SGCD: variants seen among roughly 807,000 people sequenced by gnomAD.
SGCD encodes the protein sarcoglycan delta.
In SGCD, 18 loss-of-function variants were observed where a neutral mutation model predicts 36.6. The observed-to-expected ratio is 0.49, with a 90% CI of 0.34 to 0.73. SGCD has a LOEUF of 0.73. SGCD is among the 30% of genes least tolerant of loss of function. SGCD has a pLI of 0.01. For synonymous variants in SGCD, 133 were observed against 130.6 expected (o/e 1.02, Z -0.12); for missense variants, 387 against 346.7 (o/e 1.12, Z -0.92).
chr5:156,165,558 A>C (rs976884642), intron 3 of SGCD, among the ~76,000 whole-genome samples: 1 of 152,156 alleles, frequency 6.6e-6, no homozygotes, highest in Non-Finnish European at 1.5e-5. Context: ...TTCAATTTGT[A>C]CTATATACTG....
At chr5:156,644,946 A>C (rs1164656974) in intron 6 of SGCD, among the ~76,000 whole-genome samples, 1 of 149,812 alleles carries the variant, frequency 6.7e-6, no homozygotes, top group African/African-American at 2.5e-5. Flanking sequence ...TTTTTTTACA[A>C]GTTTACTCCC....
At chr5:156,672,717 C>T (rs1009895781) in intron 7 of SGCD, among the ~76,000 whole-genome samples, 3 of 152,116 alleles carry the variant, frequency 2.0e-5, no homozygotes, top group African/African-American at 7.2e-5. Flanking sequence ...CATTTATAGC[C>T]ATTGTATGAG....
intron 1 of SGCD, among the ~76,000 whole-genome samples, chr5:156,037,827 C>T (rs1759536827): frequency 6.6e-6 from 1 of 152,082 alleles, no homozygotes; most frequent in Non-Finnish European, 1.5e-5. Flanking sequence ...CAAAAGTAAT[C>T]ATGCTAAAAA....
At chr5:156,061,114 T>A (rs1760194571) in intron 1 of SGCD, among the ~76,000 whole-genome samples, 1 of 146,014 alleles carries the variant, frequency 6.8e-6, no homozygotes, top group Admixed American at 6.8e-5. Context: ...AAAGCACTAG[T>A]CTCACAGAGA....
At position 156,553,180 on chromosome 5, in the gene SGCD, A is replaced by G. The variant is rs553876669; in HGVS notation, c.295-36051A>G. Among the ~76,000 whole-genome samples the G allele has an allele frequency of 6.6e-5, 10 of 152,288 alleles. 1 individual carries two copies. The highest frequency in any genetic ancestry group is 9.6e-5 in the African/African-American group (4 of 41,564). On this transcript the variant is annotated intron_variant, in intron 4 of 8. Transcript: ENST00000337851. Reference sequence around the variant, plus strand: ...CAGAGTGAGAAGTCACTCACCCCCAATGGAGGGCATTCATCTGTTCATGAG... The same window carrying G: ...CAGAGTGAGAAGTCACTCACCCCCAGTGGAGGGCATTCATCTGTTCATGAG...
chr5:156,408,268 T>C (rs776726115), intron 3 of SGCD, among the ~76,000 whole-genome samples: 1 of 152,096 alleles, frequency 6.6e-6, no homozygotes, highest in South Asian at 2.1e-4. Flanking sequence ...ATTGCACTCC[T>C]TGGACATGTG....
chr5:155,800,725 G>A, the SGCD span, among the ~76,000 whole-genome samples: 1 of 151,872 alleles, frequency 6.6e-6, no homozygotes, highest in East Asian at 1.9e-4. Context: ...GGGAATTTTT[G>A]TTTTTGTTTT....
chr5:156,759,403 A>G lies in SGCD; in HGVS notation c.*13A>G, dbSNP rs1338497474. On this transcript the variant is annotated 3_prime_UTR_variant, in exon 9 of 9. Coordinates refer to ENST00000337851, the MANE Select transcript of SGCD (RefSeq NM_000337.6). The stretch of plus-strand genomic sequence containing the variant: ...TGTCTGCCTCTGAAAGACTATCCAT[A>G]GTGGACATTGTTGGCAGCATAAAGG... The G allele has an allele frequency of 6.3e-7, 1 of 1,581,998 alleles. No homozygotes were observed. Among genetic ancestry groups the G allele is most frequent in the Admixed American group, 1.8e-5 (1 of 57,128 alleles).
chr5:156,560,103 G>A (rs1285163600), intron 4 of SGCD, among the ~76,000 whole-genome samples: 1 of 152,110 alleles, frequency 6.6e-6, no homozygotes, highest in Non-Finnish European at 1.5e-5. Context: ...TTTTATTTAT[G>A]GTTAGCTATT....
intron 3 of SGCD, among the ~76,000 whole-genome samples, chr5:156,149,620 T>C (rs1398706808): frequency 6.6e-6 from 1 of 152,088 alleles, no homozygotes. Context: ...GATCAGTAGA[T>C]GGTTCTCAGC....
At chr5:156,171,045 G>A (rs1265444053) in intron 3 of SGCD, among the ~76,000 whole-genome samples, 2 of 152,032 alleles carry the variant, frequency 1.3e-5, no homozygotes, top group Admixed American at 6.6e-5. Context: ...GATTTCTGTC[G>A]ACATGATTTT....
intron 3 of SGCD, among the ~76,000 whole-genome samples, chr5:156,140,130 G>C (rs999458226): frequency 6.6e-6 from 1 of 152,204 alleles, no homozygotes; most frequent in Non-Finnish European, 1.5e-5. Flanking sequence ...TACCCAGTCT[G>C]TGCTGTTTTG....
chr5:156,490,489 A>C (rs1350584357), intron 3 of SGCD, among the ~76,000 whole-genome samples: 7 of 7,522 alleles, frequency 9.3e-4, no homozygotes, highest in Admixed American at 6.7e-3. Flanking sequence ...TAACATATCA[A>C]AAAAAAAAAA....
At chr5:156,613,576 A>C (rs1292494628) in intron 6 of SGCD, among the ~76,000 whole-genome samples, 1 of 152,164 alleles carries the variant, frequency 6.6e-6, no homozygotes, top group Non-Finnish European at 1.5e-5. Flanking sequence ...AGTGGATCTC[A>C]AAAATATGGT....
chr5:156,527,714 T>C (rs1267737687), intron 4 of SGCD, among the ~76,000 whole-genome samples: 1 of 152,216 alleles, frequency 6.6e-6, no homozygotes, highest in Non-Finnish European at 1.5e-5. Context: ...CTAATTTTAC[T>C]TTGAACCCCC....
chr5:156,750,873 A>G (rs2113142614), intron 7 of SGCD, among the ~76,000 whole-genome samples: 1 of 152,260 alleles, frequency 6.6e-6, no homozygotes, highest in Admixed American at 6.5e-5. Context: ...TTTAAAAAAC[A>G]CCATTTTCAA....
chr5:156,250,414 C>T (rs1054929446), intron 3 of SGCD, among the ~76,000 whole-genome samples: 1 of 152,110 alleles, frequency 6.6e-6, no homozygotes, highest in Non-Finnish European at 1.5e-5. Flanking sequence ...GTGTTTAAAA[C>T]TCCAAATAAT....
chr5:156,564,293 C>CA (rs888105265), intron 4 of SGCD, among the ~76,000 whole-genome samples: 4 of 151,822 alleles, frequency 2.6e-5, no homozygotes, highest in African/African-American at 4.8e-5. Context: ...ACTAAAAATA[C>CA]AAAAAAATTA....
Position 156,106,109 on chromosome 5 carries a change from CAAAAAAAAAA to C in SGCD, c.-281-11748_-281-11739del, listed in dbSNP as rs1159337817. Among the ~76,000 whole-genome samples the C allele has an allele frequency of 1.7e-3, 59 of 34,940 alleles. No individual in the cohort carries two copies. In the South Asian group the frequency reaches 0.047, roughly 28 times the overall value. 22.9% of individuals were successfully genotyped at this position (34,940 alleles called of 152,430 possible). On this transcript the variant is annotated intron_variant, in intron 1 of 9. Transcript: ENST00000517913. ...TGGGTGACAGAGTGAGACTCTGCCT[CAAAAAAAAAA>C]AAAAAAAAAAAAAAAAAAAAGAAAG...
Sources: allele counts gnomAD v4.1 joint callset (sites outside exome capture counted in the v4.1 genomes callset), GRCh38; gene constraint gnomAD v4.1.1; transcripts MANE v1.5; gene names NCBI Gene and HGNC (gene_info 2026-07-23, HGNC 2026-07-21).